Variants in ZC3H4 observed in about 807,000 individuals in gnomAD.
ZC3H4 encodes the protein zinc finger CCCH domain-containing protein 4.
ZC3H4 carries 13 observed loss-of-function variants against 108.3 expected under a neutral mutation model. The observed-to-expected ratio is 0.12, with a 90% CI of 0.08 to 0.19. The LOEUF is 0.19. ZC3H4 is among the 10% of genes least tolerant of loss of function. The probability of loss-of-function intolerance (pLI) is 1.00; values close to 1 mark genes in which losing one functional copy is unlikely to be tolerated. For missense variants in ZC3H4, 1,734 were observed against 1,838.8 expected, an observed-to-expected ratio of 0.94 and a Z score of 1.04; for synonymous variants, 917 against 749.6, an observed-to-expected ratio of 1.22 and a Z score of -3.65.
chr19:47,112,525 C>A lies in ZC3H4; in HGVS notation c.60G>T (p.Ser20=). The change falls in exon 2 of 15, where the codon TCG becomes TCT. Residue 20 remains serine, a synonymous_variant. Coordinates refer to ENST00000253048, the MANE Select transcript of ZC3H4 (RefSeq NM_015168.2). ...PPPSESPPPP[S]PPPPSTPSPP... ...GCGAAGGCGTTGATGGCGGCGGCGG[C>A]GATGGCGGCGGCGGCGACTCTGATG... is the stretch of plus-strand genomic sequence containing the variant. 2 of 1,071,158 alleles carry A rather than the reference C, an allele frequency of 1.9e-6. No individual in the cohort carries two copies. The highest frequency in any genetic ancestry group is 1.2e-6 in the Non-Finnish European group (1 of 834,434). 66.4% of individuals were successfully genotyped at this position (1,071,158 alleles called of 1,614,324 possible).
chr19:47,112,514 G>A lies in ZC3H4; in HGVS notation c.71C>T (p.Pro24Leu). 1 of 1,075,646 alleles carries A rather than the reference G, an allele frequency of 9.3e-7. No individual in the cohort carries two copies. The highest frequency in any genetic ancestry group is 1.2e-6 in the Non-Finnish European group (1 of 837,412). The allele number at this position is 1,075,646 out of a possible 1,614,324, so 66.6% of individuals were successfully genotyped here. A position where few individuals can be genotyped will look rare whatever the true frequency, so the allele number is the denominator to read the frequency against. Residue 24 changes from proline to leucine, a missense_variant, in exon 2 of 15, where the codon CCA (proline) becomes CTA (leucine). By Grantham distance (98) the Pro-to-Leu change is moderately conservative. Transcript: ENST00000253048. ...ACACGGAGGAGGCGAAGGCGTTGAT[G>A]GCGGCGGCGGCGATGGCGGCGGCGG... Reference protein sequence around the residue: ...ESPPPPSPPPPSTPSPPPCSP... With the variant: ...ESPPPPSPPPLSTPSPPPCSP...
chr19:47,112,036 C>T (rs1600124272), intron 2 of ZC3H4: 1 of 813,434 alleles, frequency 1.2e-6, no homozygotes, highest in African/African-American at 1.8e-5. Context: ...TAGCTGCCAG[C>T]TCCGGGCGCA....
intron 2 of ZC3H4, 176 bp downstream of exon 2, chr19:47,112,248 A>C: frequency 3.5e-6 from 4 of 1,154,728 alleles, no homozygotes; most frequent in Non-Finnish European, 4.4e-6. Context: ...GAGAGAAAGC[A>C]AGCGAGAAAG....
At chr19:47,104,606 C>A (rs1025236541) in intron 2 of ZC3H4, among the ~76,000 whole-genome samples, 46 of 152,214 alleles carry the variant, frequency 3.0e-4, no homozygotes, top group Non-Finnish European at 1.5e-5. Flanking sequence ...AACTTTGACA[C>A]AAACTCATTC....
intron 13 of ZC3H4, among the ~76,000 whole-genome samples, chr19:47,070,546 C>T (rs1314870187): frequency 1.3e-5 from 2 of 152,196 alleles, no homozygotes; most frequent in East Asian, 1.9e-4. Flanking sequence ...TTCCCGTGCA[C>T]CTTTTAGACG....
chr19:47,078,102 TA>T (rs1421417145), intron 11 of ZC3H4, among the ~76,000 whole-genome samples: 3 of 152,126 alleles, frequency 2.0e-5, no homozygotes, highest in Non-Finnish European at 4.4e-5. Flanking sequence ...CAATGCCACT[TA>T]AAAAATTTTT....
rs1411929919 is a variant in ZC3H4 at position 47,072,031 on chromosome 19, G to A, written c.1893C>T (p.Asp631=). 1.3e-6 allele frequency: 2 copies of A among 1,579,894 alleles called. No individual in the cohort carries two copies. The change falls in exon 13 of 15, where the codon GAC becomes GAT. Residue 631 remains aspartate, a synonymous_variant. Coordinates refer to ENST00000253048, the MANE Select transcript of ZC3H4 (RefSeq NM_015168.2). The surrounding 1 kb of genome is among the most constrained non-coding windows in gnomAD (Gnocchi z 5.6). ...TGTCCGGGTGCATGTCGGGGTGCAT[G>A]TCAGGATGCATTGGACCGCCCATTG... ...PGPMGGPMHP[D]MHPDMHPDMH...
chr19:47,077,595 C>T (rs573183826), intron 11 of ZC3H4, among the ~76,000 whole-genome samples: 3 of 151,474 alleles, frequency 2.0e-5, no homozygotes, highest in African/African-American at 7.3e-5. Context: ...GGCTCACGCC[C>T]GTTATCCCAG....
At chr19:47,076,697 T>C (rs2057427694) in intron 11 of ZC3H4, among the ~76,000 whole-genome samples, 1 of 150,344 alleles carries the variant, frequency 6.7e-6, no homozygotes, top group Admixed American at 6.6e-5. Flanking sequence ...CTACTAAAAA[T>C]ACAAAAATAT....
rs1347862864 is a variant in ZC3H4, at chr19:47,067,208, G to A, written c.3060C>T (p.Pro1020=). The change falls in exon 15 of 15, where the codon CCC becomes CCT. Residue 1020 remains proline, a synonymous_variant. Coordinates refer to ENST00000253048, the MANE Select transcript of ZC3H4 (RefSeq NM_015168.2). This position sits in a 1 kb window ranked among gnomAD's most constrained non-coding sequence, Gnocchi z 6.4. The part of the protein sequence containing the change: ...PRLHRAATAG[P]PNARQRPGAS... ...CGCCCGGGCGCTGCCGGGCGTTGGG[G>A]GGCCCTGCCGTGGCAGCGCGGTGCA... The A allele has an allele frequency of 2.5e-6, 4 of 1,609,518 alleles. No individual in the cohort carries two copies. The highest frequency in any genetic ancestry group is 1.7e-5 in the Admixed American group (1 of 59,346).
At chr19:47,110,579 G>A (rs2123120366) in intron 2 of ZC3H4, among the ~76,000 whole-genome samples, 1 of 152,266 alleles carries the variant, frequency 6.6e-6, no homozygotes, top group Middle Eastern at 3.4e-3. Flanking sequence ...GAGGAAGGCA[G>A]GCAGTAAAGG....
rs117929134 is a variant in ZC3H4 at position 47,082,251 on chromosome 19, C to T, written c.1263G>A (p.Lys421=). The part of the protein sequence containing the change: ...NFSHDIELPK[K]RELCKFYITG... ...TGATGTAAAACTTGCACAGTTCTCGCTTCTTTGGGAGTTCGATGTCATGGC... is the reference window on the plus strand; with the variant it reads ...TGATGTAAAACTTGCACAGTTCTCGTTTCTTTGGGAGTTCGATGTCATGGC... The change falls in exon 10 of 15, where the codon AAG becomes AAA. Residue 421 remains lysine, a synonymous_variant. Coordinates refer to ENST00000253048, the MANE Select transcript of ZC3H4 (RefSeq NM_015168.2). 53 of 1,614,110 alleles carry T rather than the reference C, an allele frequency of 3.3e-5. No homozygotes were observed. The East Asian group carries it at 1.1e-3, about 33-fold the overall frequency.
Position 47,067,587 on chromosome 19 carries a change from C to G in ZC3H4, c.2681G>C (p.Arg894Pro). Residue 894 changes from arginine to proline, a missense_variant, in exon 15 of 15, where the codon CGC (arginine) becomes CCC (proline). This residue lies in a region of ZC3H4 where 540 missense variants were observed against 484.1 expected (regional missense o/e 1.12). Coordinates refer to ENST00000253048, the MANE Select transcript of ZC3H4 (RefSeq NM_015168.2). The surrounding 1 kb of genome is among the most constrained non-coding windows in gnomAD (Gnocchi z 6.4). ...DSGPSDPRLA[R>P]ALPTSKPEGS... Reference sequence around the variant, plus strand: ...TTCGGGCTTGGAGGTGGGCAGGGCGCGAGCCAGCCGAGGATCGGAGGGTCC... The same window carrying G: ...TTCGGGCTTGGAGGTGGGCAGGGCGGGAGCCAGCCGAGGATCGGAGGGTCC... The G allele has an allele frequency of 6.2e-7, 1 of 1,602,398 alleles. No homozygotes were observed. The highest frequency in any genetic ancestry group is 8.5e-7 in the Non-Finnish European group (1 of 1,175,806).
chr19:47,112,074 C>T, intron 2 of ZC3H4: 2 of 997,962 alleles, frequency 2.0e-6, no homozygotes, highest in Non-Finnish European at 2.4e-6. Context: ...CGTGGGTCTC[C>T]GCAGCACCCC....
intron 2 of ZC3H4, among the ~76,000 whole-genome samples, chr19:47,105,213 G>A (rs1423533334): frequency 6.6e-6 from 1 of 152,186 alleles, no homozygotes; most frequent in Non-Finnish European, 1.5e-5. Context: ...ACCATATCAC[G>A]TGGTGGGCAG....
chr19:47,094,700 G>A (rs1436152965), intron 2 of ZC3H4, 92 bp from the exon 3 acceptor site: 5 of 1,344,126 alleles, frequency 3.7e-6, no homozygotes, highest in African/African-American at 1.5e-5. Context: ...GGAACCGAAG[G>A]CCTGACTGCT....
chr19:47,086,329 C>A (rs2057621835), intron 6 of ZC3H4, 55 bp downstream of exon 6: 3 of 1,605,482 alleles, frequency 1.9e-6, no homozygotes, highest in East Asian at 4.5e-5. Flanking sequence ...GTGCTCACGC[C>A]CCGGAAAGCC....
At chr19:47,106,586 A>C (rs1431388174) in intron 2 of ZC3H4, among the ~76,000 whole-genome samples, 1 of 152,224 alleles carries the variant, frequency 6.6e-6, no homozygotes, top group East Asian at 1.9e-4. Context: ...AAATTAATTA[A>C]GGCATCTGCT....
intron 13 of ZC3H4, among the ~76,000 whole-genome samples, chr19:47,070,118 C>T (rs2057299359): frequency 6.6e-6 from 1 of 150,910 alleles, no homozygotes; most frequent in South Asian, 2.1e-4. Context: ...TGGGAGACAT[C>T]GAATCACCGA....
Sources: allele counts gnomAD v4.1 joint callset (sites outside exome capture counted in the v4.1 genomes callset), GRCh38; gene constraint gnomAD v4.1.1; regional missense constraint gnomAD v4.1.1; non-coding constraint Gnocchi (gnomAD v3.1); transcripts MANE v1.5; gene names NCBI Gene and HGNC (gene_info 2026-07-23, HGNC 2026-07-21).